The following DLG2 variants were observed in gnomAD, a reference collection of about 807,000 sequenced individuals.
DLG2 encodes discs large MAGUK scaffold protein 2, also known as disks large homolog 2.
Under a neutral mutation model 132.5 loss-of-function variants are expected in DLG2, and 45 were observed. The observed-to-expected ratio is 0.34, with a 90% confidence interval of 0.27 to 0.44. The LOEUF (loss-of-function observed/expected upper bound fraction) is 0.44, where lower values mean the gene tolerates loss of function less well. DLG2 is among the 20% of genes least tolerant of loss of function. The pLI is 1.00. For synonymous variants in DLG2, 424 were observed against 419.6 expected (o/e 1.01, Z -0.13); for missense variants, 1,045 against 1,196.9 (o/e 0.87, Z 1.87).
intron 11 of DLG2, among the ~76,000 whole-genome samples, chr11:84,030,477 G>A (rs752491300): frequency 1.3e-5 from 2 of 152,048 alleles, no homozygotes; most frequent in African/African-American, 2.4e-5. Flanking sequence ...CCCTTCCATG[G>A]CCTCCAACAC....
chr11:85,053,604 C>T (rs147993835), intron 6 of DLG2, among the ~76,000 whole-genome samples: 29,012 of 136,478 alleles, frequency 0.21, 3,303 homozygotes, highest in Middle Eastern at 0.34. Flanking sequence ...CTGCCTAACA[C>T]GGTGAAACCC....
chr11:84,824,569 T>G (rs545006766), intron 6 of DLG2, among the ~76,000 whole-genome samples: 1 of 151,890 alleles, frequency 6.6e-6, no homozygotes, highest in Non-Finnish European at 1.5e-5. Context: ...AACTGATAAG[T>G]CATCCTGCTG....
At chr11:83,779,189 G>T (rs1027257194) in intron 18 of DLG2, among the ~76,000 whole-genome samples, 4 of 152,172 alleles carry the variant, frequency 2.6e-5, no homozygotes, top group South Asian at 4.2e-4. Context: ...CAAGCTTATT[G>T]ATAACAGATA....
chr11:83,471,165 G>A (rs759898147), intron 24 of DLG2, among the ~76,000 whole-genome samples: 2 of 152,038 alleles, frequency 1.3e-5, no homozygotes, highest in Admixed American at 6.6e-5. Context: ...CCTAAACCTG[G>A]GACTGTCAAC....
chr11:84,271,949 CAAAAAAAAAAA>C (rs71036417), intron 7 of DLG2, among the ~76,000 whole-genome samples: 1 of 77,792 alleles, frequency 1.3e-5, no homozygotes, highest in Non-Finnish European at 2.6e-5. Flanking sequence ...TTGATAATAA[CAAAAAAAAAAA>C]AAAAAAAAAA....
At chr11:84,615,734 C>T (rs1038943601) in intron 6 of DLG2, among the ~76,000 whole-genome samples, 1 of 146,762 alleles carries the variant, frequency 6.8e-6, no homozygotes, top group African/African-American at 2.6e-5. Flanking sequence ...TTAAAAAGGG[C>T]CCTATGATAT....
intron 3 of DLG2, among the ~76,000 whole-genome samples, chr11:85,295,185 C>A (rs983865638): frequency 3.3e-5 from 5 of 152,040 alleles, no homozygotes; most frequent in East Asian, 1.9e-4. Flanking sequence ...GTTGTCAATT[C>A]TTTTTACCTC....
At chr11:84,958,329 T>A (rs1430612528) in intron 6 of DLG2, among the ~76,000 whole-genome samples, 2 of 152,152 alleles carry the variant, frequency 1.3e-5, no homozygotes, top group African/African-American at 2.4e-5. Context: ...CAAATTACGT[T>A]CTATTGGAAA....
chr11:83,753,960 C>G (rs544704157), intron 18 of DLG2, among the ~76,000 whole-genome samples: 4 of 144,894 alleles, frequency 2.8e-5, no homozygotes, highest in Non-Finnish European at 4.5e-5. Flanking sequence ...TATCGAATTA[C>G]ATGCCAAGTG....
At chr11:83,517,432 T>C (rs1440768987) in intron 21 of DLG2, among the ~76,000 whole-genome samples, 1 of 152,204 alleles carries the variant, frequency 6.6e-6, no homozygotes, top group African/African-American at 2.4e-5. Context: ...CTAATCTTTC[T>C]TCAAGGTTTT....
intron 6 of DLG2, among the ~76,000 whole-genome samples, chr11:85,029,637 A>G (rs571026193): frequency 6.6e-6 from 1 of 152,318 alleles, no homozygotes; most frequent in African/African-American, 2.4e-5. Context: ...AGTTTAGCCT[A>G]AAGCTGCCTC....
chr11:83,864,522 A>G (rs537116863), intron 16 of DLG2, among the ~76,000 whole-genome samples: 2 of 152,200 alleles, frequency 1.3e-5, no homozygotes, highest in Non-Finnish European at 2.9e-5. Context: ...TTCTCTATGT[A>G]ATAAGCAGGA....
chr11:83,740,362 G>T (rs2092404224), intron 18 of DLG2, among the ~76,000 whole-genome samples: 2 of 152,156 alleles, frequency 1.3e-5, no homozygotes, highest in African/African-American at 4.8e-5. Context: ...TGACATGGAT[G>T]ATCTTCACAA....
intron 4 of DLG2, among the ~76,000 whole-genome samples, chr11:85,247,272 T>C (rs1415541771): frequency 6.6e-6 from 1 of 152,096 alleles, no homozygotes; most frequent in Non-Finnish European, 1.5e-5. Flanking sequence ...TTTATAATAC[T>C]ATGTGGTTAA....
intron 3 of DLG2, among the ~76,000 whole-genome samples, chr11:85,553,501 T>C (rs1043505965): frequency 3.3e-5 from 5 of 151,490 alleles, no homozygotes; most frequent in Non-Finnish European, 7.4e-5. Flanking sequence ...GTATTTTTGG[T>C]AGAAATGGGG....
chr11:85,039,929 A>G (rs1186185226), intron 6 of DLG2, among the ~76,000 whole-genome samples: 1 of 151,934 alleles, frequency 6.6e-6, no homozygotes, highest in Non-Finnish European at 1.5e-5. Context: ...AATTCACAAC[A>G]TAAGAACTAT....
chr11:84,932,278 C>A (rs2048184404), intron 6 of DLG2, among the ~76,000 whole-genome samples: 1 of 152,142 alleles, frequency 6.6e-6, no homozygotes, highest in African/African-American at 2.4e-5. Flanking sequence ...TTTAATCCAT[C>A]TTGAGTTAAT....
Position 85,621,600 on chromosome 11 carries a change from T to C in DLG2, c.-93+4987A>G, listed in dbSNP as rs2081707597. Among the ~76,000 whole-genome samples the C allele has an allele frequency of 2.0e-5, 3 of 152,302 alleles. No homozygotes were observed. The South Asian group carries it at 6.2e-4, about 32-fold the overall frequency. ...AACTTTCATGGATGACTTTGAGGGA[T>C]TCAAGTCTTCAGTGGAAGAAGTAAC... On this transcript the variant is annotated intron_variant, in intron 2 of 27. Coordinates refer to ENST00000376104, the MANE Select transcript of DLG2 (RefSeq NM_001142699.3).
intron 6 of DLG2, among the ~76,000 whole-genome samples, chr11:84,786,947 G>C (rs2073002916): frequency 6.6e-6 from 1 of 152,158 alleles, no homozygotes; most frequent in African/African-American, 2.4e-5. Context: ...CTTTTGAAGA[G>C]TAATGGCTTT....
Sources: allele counts gnomAD v4.1 joint callset (sites outside exome capture counted in the v4.1 genomes callset), GRCh38; gene constraint gnomAD v4.1.1; transcripts MANE v1.5; gene names NCBI Gene and HGNC (gene_info 2026-07-23, HGNC 2026-07-21).